PER3: variants seen among roughly 807,000 people sequenced by gnomAD.
PER3 encodes period circadian protein homolog 3.
In PER3, 107 loss-of-function variants were observed where a neutral mutation model predicts 127.2. The observed-to-expected ratio is 0.84, with a 90% CI of 0.72 to 0.99. The LOEUF is 0.99. Ranked by LOEUF, PER3 falls within the 50% of genes least tolerant of loss-of-function variation. PER3 has a pLI of 0.00. For missense variants in PER3, 1,560 were observed against 1,525.8 expected, an observed-to-expected ratio of 1.02 and a Z score of -0.37; for synonymous variants, 618 against 585.8, an observed-to-expected ratio of 1.05 and a Z score of -0.79.
intron 21 of PER3, among the ~76,000 whole-genome samples, chr1:7,839,536 C>G (rs2097374443): frequency 6.6e-6 from 1 of 152,200 alleles, no homozygotes; most frequent in Non-Finnish European, 1.5e-5. Flanking sequence ...AGTGTCCTTT[C>G]ATTTCAACCC....
At chr1:7,829,115 T>A (rs2097316554) in intron 18 of PER3, among the ~76,000 whole-genome samples, 2 of 152,234 alleles carry the variant, frequency 1.3e-5, no homozygotes, top group South Asian at 2.1e-4. Context: ...ATCTGCCAGT[T>A]ACAGTAGTCT....
chr1:7,797,622 C>T (rs561317618), intron 6 of PER3, among the ~76,000 whole-genome samples: 6 of 143,486 alleles, frequency 4.2e-5, no homozygotes, highest in South Asian at 2.2e-4. Context: ...GGCAACAGAG[C>T]GAGACTCCGT....
intron 13 of PER3, among the ~76,000 whole-genome samples, chr1:7,815,257 TTAA>T (rs767772573): frequency 4.6e-5 from 7 of 152,224 alleles, no homozygotes; most frequent in Non-Finnish European, 1.0e-4. Context: ...ATATTCAATA[TTAA>T]TAATCTCCGT....
chr1:7,786,674 G>C (rs772966923), intron 3 of PER3, 47 bp from the exon 4 acceptor site: 1 of 956,066 alleles, frequency 1.0e-6, no homozygotes, highest in South Asian at 1.3e-5. Flanking sequence ...GTTTCCTAAA[G>C]ATACTGTTGT....
At chr1:7,806,364 G>GT (rs1255190230) in intron 10 of PER3, among the ~76,000 whole-genome samples, 2 of 152,130 alleles carry the variant, frequency 1.3e-5, no homozygotes, top group Non-Finnish European at 2.9e-5. Flanking sequence ...CTGCAGCCAA[G>GT]TTTTCTCTCT....
At position 7,810,994 on chromosome 1, in the gene PER3, A is replaced by G. The variant is rs779825412; in HGVS notation, c.1522+406A>G. ...TCAAACAGAAAATCTTTGTGACCTA[A>G]ATTCAGTGAAAAACTTTGGCTCTTT... On this transcript the variant is annotated intron_variant, in intron 13 of 21. Coordinates refer to ENST00000377532, the MANE Select transcript of PER3 (RefSeq NM_001377275.1). Among the ~76,000 whole-genome samples the G allele has an allele frequency of 3.0e-4, 45 of 152,298 alleles. No homozygotes were observed. In the Middle Eastern group the frequency reaches 0.01, roughly 35 times the overall value.
At chr1:7,836,895 T>C (rs2097361127) in intron 20 of PER3, 104 bp from the exon 21 acceptor site, 3 of 757,578 alleles carry the variant, frequency 4.0e-6, no homozygotes, top group East Asian at 2.5e-5. Flanking sequence ...TGTTAGAAAA[T>C]GTAAGGTGTA....
rs993536147 is a variant in PER3 at position 7,844,850 on chromosome 1, T to C, written c.*2095T>C. On this transcript the variant is annotated 3_prime_UTR_variant, in exon 22 of 22. Coordinates refer to ENST00000377532, the MANE Select transcript of PER3 (RefSeq NM_001377275.1). ...GCTTAAACTTTGTTGTTTAAATTTGTTAACTTTTTATATTAATGACTATTG... is the reference window on the plus strand; with the variant it reads ...GCTTAAACTTTGTTGTTTAAATTTGCTAACTTTTTATATTAATGACTATTG... 2 of 152,356 alleles carry C rather than the reference T, an allele frequency of 1.3e-5. No homozygotes were observed. Among genetic ancestry groups the C allele is most frequent in the Non-Finnish European group, 2.9e-5 (2 of 68,050 alleles). The allele number at this position is 152,356 out of a possible 1,614,324, so 9.4% of individuals were successfully genotyped here.
Position 7,803,060 on chromosome 1 carries a change from C to T in PER3, c.886C>T (p.Leu296=), listed in dbSNP as rs201630401. 1 of 1,605,738 alleles carries T rather than the reference C, an allele frequency of 6.2e-7. No homozygotes were observed. The highest frequency in any genetic ancestry group is 1.7e-5 in the Admixed American group (1 of 60,014). The change falls in exon 9 of 22, where the codon CTG becomes TTG. Residue 296 remains leucine, a synonymous_variant. Coordinates refer to ENST00000377532, the MANE Select transcript of PER3 (RefSeq NM_001377275.1). The part of the protein sequence containing the change: ...LEVDEKAVPL[L]GYLPQDLIGT... ...TCTGTATCCCAGAGCAGTGCCTTTG[C>T]TGGGTTACCTACCTCAGGACCTGAT... is the stretch of plus-strand genomic sequence containing the variant.
intron 5 of PER3, among the ~76,000 whole-genome samples, chr1:7,791,865 C>T (rs1301355003): frequency 6.6e-6 from 1 of 152,162 alleles, no homozygotes; most frequent in Non-Finnish European, 1.5e-5. Context: ...TCTCTGAGAC[C>T]ACCTCAGCCT....
Position 7,827,739 on chromosome 1 carries a change from T to TA in PER3, c.2811dup (p.Leu938ThrfsTer10), listed in dbSNP as rs1220020867. The TA allele has an allele frequency of 4.3e-6, 7 of 1,614,002 alleles. No homozygotes were observed. The East Asian group carries it at 1.1e-4, about 26-fold the overall frequency. ...AGCAGCTCACCCTTGCAGTTAAACTTACTTCAGGAAGAGATGCCCAGACCC... is the reference window on the plus strand; with the variant it reads ...AGCAGCTCACCCTTGCAGTTAAACTTAACTTCAGGAAGAGATGCCCAGACCC... On this transcript the variant is annotated frameshift_variant, in exon 18 of 22. Coordinates refer to ENST00000377532, the MANE Select transcript of PER3 (RefSeq NM_001377275.1). LOFTEE classifies it high-confidence loss of function.
Position 7,835,843 on chromosome 1 carries a change from T to C in PER3, c.3296T>C (p.Val1099Ala). The stretch of plus-strand genomic sequence containing the variant: ...CAAAATGGGCAGCAATCTCAGGACG[T>C]ACAGAAAAAAGAAACATTTCCTAAT... ...ISQNGQQSQD[V>A]QKKETFPNVA... The change falls in exon 20 of 22, where the codon GTA (valine) becomes GCA (alanine). Residue 1099 changes from valine (V) to alanine (A), a missense_variant. Physicochemically the swap from Val to Ala is moderately conservative, Grantham distance 64 (BLOSUM62 0). Transcript: ENST00000377532. 1 of 1,611,974 alleles carries C rather than the reference T, an allele frequency of 6.2e-7. No homozygotes were observed.
intron 21 of PER3, among the ~76,000 whole-genome samples, chr1:7,837,582 T>C (rs1288950863): frequency 6.6e-6 from 1 of 152,230 alleles, no homozygotes. Flanking sequence ...GAAACTTTAA[T>C]GGGACTTAAG....
intron 10 of PER3, among the ~76,000 whole-genome samples, chr1:7,804,837 C>A (rs929059145): frequency 6.6e-6 from 1 of 151,292 alleles, no homozygotes; most frequent in Non-Finnish European, 1.5e-5. Flanking sequence ...TTGTAGGCTA[C>A]AGTACCCCTA....
Position 7,836,986 on chromosome 1 carries a change from T to C in PER3, c.3399-13T>C. On this transcript the variant is annotated splice_polypyrimidine_tract_variant and intron_variant, in intron 20 of 21. Transcript: ENST00000377532. ...TATTCAGGACTATTAAGATTCTGTT[T>C]GTTTGTTTTCAGGGTTAAAGAAGTT... 5 of 1,607,356 alleles carry C rather than the reference T, an allele frequency of 3.1e-6. No homozygotes were observed.
intron 6 of PER3, among the ~76,000 whole-genome samples, chr1:7,796,253 T>A (rs960633487): frequency 2.6e-5 from 4 of 151,942 alleles, no homozygotes; most frequent in African/African-American, 9.7e-5. Context: ...TGGTTATTGC[T>A]ACAGGGTTAT....
chr1:7,820,205 G>A lies in PER3; in HGVS notation c.1749G>A (p.Gln583=). 1 of 1,613,836 alleles carries A rather than the reference G, an allele frequency of 6.2e-7. No homozygotes were observed. The highest frequency in any genetic ancestry group is 8.5e-7 in the Non-Finnish European group (1 of 1,179,812). The part of the protein sequence containing the change: ...TTSSSSEEDK[Q]NHKADDVQAL... ...CTTCCTCCTCAGAAGAAGACAAACA[G>A]AACCACAAGGCAGATGATGTCCAAG... The change falls in exon 15 of 22, where the codon CAG becomes CAA. Residue 583 remains glutamine (Q), a synonymous_variant. Coordinates refer to ENST00000377532, the MANE Select transcript of PER3 (RefSeq NM_001377275.1).
At chr1:7,804,398 C>CTT (rs568675301) in intron 10 of PER3, among the ~76,000 whole-genome samples, 37 of 124,506 alleles carry the variant, frequency 3.0e-4, no homozygotes, top group Non-Finnish European at 3.0e-4. Flanking sequence ...TTGTTTGTGT[C>CTT]TTTTTTTTTT....
chr1:7,844,883 T>C lies in PER3; in HGVS notation c.*2128T>C, dbSNP rs1346650374. On this transcript the variant is annotated 3_prime_UTR_variant, in exon 22 of 22. Transcript: ENST00000377532. ...TTATATTAATGACTATTGAAAGTGG[T>C]AATAAAAATTTATATTATAGGCTTC... The C allele has an allele frequency of 6.6e-6, 1 of 152,392 alleles. No homozygotes were observed. Among genetic ancestry groups the C allele is most frequent in the Non-Finnish European group, 1.5e-5 (1 of 68,044 alleles). 9.4% of individuals were successfully genotyped at this position (152,392 alleles called of 1,614,324 possible).
Sources: allele counts gnomAD v4.1 joint callset (sites outside exome capture counted in the v4.1 genomes callset), GRCh38; gene constraint gnomAD v4.1.1; transcripts MANE v1.5; gene names NCBI Gene and HGNC (gene_info 2026-07-23, HGNC 2026-07-21).